Variants in NOS1AP observed in about 807,000 individuals in gnomAD.
The protein encoded by NOS1AP is carboxyl-terminal PDZ ligand of neuronal nitric oxide synthase protein.
Under a neutral mutation model 56.2 loss-of-function variants are expected in NOS1AP, and 21 were observed. That is an observed-to-expected ratio of 0.37 (90% CI 0.26 to 0.54). NOS1AP has a LOEUF of 0.54. NOS1AP is among the 20% of genes least tolerant of loss of function. The probability of loss-of-function intolerance (pLI) is 0.84; values close to 1 mark genes in which losing one functional copy is unlikely to be tolerated. For synonymous variants in NOS1AP, 270 were observed against 274.6 expected (o/e 0.98, Z 0.17); for missense variants, 522 against 657.8 (o/e 0.79, Z 2.26).
chr1:162,353,165 C>T (rs12403202), intron 6 of NOS1AP, among the ~76,000 whole-genome samples: 28,735 of 151,960 alleles, frequency 0.19, 3,324 homozygotes, highest in Non-Finnish European at 0.25. Context: ...TAGAGTATCA[C>T]TTTCTCTCAT....
intron 2 of NOS1AP, among the ~76,000 whole-genome samples, chr1:162,242,567 T>A (rs149695664): frequency 6.6e-6 from 1 of 152,322 alleles, no homozygotes; most frequent in East Asian, 1.9e-4. Context: ...AAATTTCAGA[T>A]GCAGCCCTAG....
intron 6 of NOS1AP, among the ~76,000 whole-genome samples, chr1:162,347,063 T>C (rs1657319309): frequency 6.6e-6 from 1 of 152,216 alleles, no homozygotes; most frequent in East Asian, 1.9e-4. Flanking sequence ...TAGAGCGTAA[T>C]GGTGACAGTT....
intron 4 of NOS1AP, 115 bp downstream of exon 4, chr1:162,300,821 T>C: frequency 1.2e-6 from 1 of 845,286 alleles, no homozygotes. Context: ...TCTATGCTTT[T>C]CCCTCCTGAG....
intron 2 of NOS1AP, among the ~76,000 whole-genome samples, chr1:162,283,889 C>T (rs780070920): frequency 8.5e-5 from 13 of 152,190 alleles, no homozygotes; most frequent in Non-Finnish European, 1.5e-4. Flanking sequence ...CCCGTTGGCA[C>T]AGACTGCAGG....
rs1042138568 is a variant in NOS1AP, at chr1:162,362,319, C to T, written c.940-3085C>T. Among the ~76,000 whole-genome samples, 36 of 152,068 alleles carry T rather than the reference C, an allele frequency of 2.4e-4. 1 individual carries two copies. The highest frequency in any genetic ancestry group is 7.0e-4 in the African/African-American group (29 of 41,468). On this transcript the variant is annotated intron_variant, in intron 8 of 9. Transcript: ENST00000361897. ...TACAAAAATTAGCTAGGTGTGGTGG[C>T]GGGCGCCAGTAATTCCAGCTGTTTG...
chr1:162,330,033 G>A (rs347300), intron 4 of NOS1AP, among the ~76,000 whole-genome samples: 76,340 of 152,126 alleles, frequency 0.5, 21,826 homozygotes, highest in Non-Finnish European at 0.65. Flanking sequence ...GCTTACTGCC[G>A]TTCCTCTGTT....
intron 2 of NOS1AP, among the ~76,000 whole-genome samples, chr1:162,275,511 T>C (rs1318348205): frequency 1.3e-5 from 2 of 152,186 alleles, no homozygotes; most frequent in East Asian, 1.9e-4. Flanking sequence ...TGAGGTTTAT[T>C]TTCATGTTCA....
intron 2 of NOS1AP, among the ~76,000 whole-genome samples, chr1:162,174,087 CTGCTATAAA>C (rs1650939979): frequency 6.6e-6 from 1 of 152,162 alleles, no homozygotes. Context: ...ATAAATCATG[CTGCTATAAA>C]GATACATGCA....
intron 2 of NOS1AP, among the ~76,000 whole-genome samples, chr1:162,231,529 T>C (rs1378910302): frequency 6.6e-6 from 1 of 152,192 alleles, no homozygotes; most frequent in African/African-American, 2.4e-5. Flanking sequence ...ATTTTAATAA[T>C]ATATTTTATT....
At chr1:162,319,250 G>A (rs1036230040) in intron 4 of NOS1AP, among the ~76,000 whole-genome samples, 2 of 152,140 alleles carry the variant, frequency 1.3e-5, no homozygotes, top group Admixed American at 6.6e-5. Flanking sequence ...ATTTGAGTCC[G>A]GTTCTTCTGA....
In NOS1AP at chr1:162,164,353, A is replaced by G. The variant is rs575771087; in HGVS notation, c.177+9877A>G. Among the ~76,000 whole-genome samples the G allele has an allele frequency of 5.3e-5, 8 of 152,344 alleles. No homozygotes were observed. The South Asian group carries it at 1.7e-3, about 32-fold the overall frequency. On this transcript the variant is annotated intron_variant, in intron 2 of 9. Coordinates refer to ENST00000361897, the MANE Select transcript of NOS1AP (RefSeq NM_014697.3). ...TGTTTTGATGACTTCTATGGCACAC[A>G]TATGTATATGCACACACACAACATA...
chr1:162,214,957 G>A (rs974777938), intron 2 of NOS1AP, among the ~76,000 whole-genome samples: 4 of 152,076 alleles, frequency 2.6e-5, no homozygotes, highest in Admixed American at 6.5e-5. Context: ...CTTTCTCCCT[G>A]CCAGGCTACA....
intron 6 of NOS1AP, among the ~76,000 whole-genome samples, chr1:162,346,126 T>C (rs1248686374): frequency 6.6e-6 from 1 of 152,226 alleles, no homozygotes; most frequent in Non-Finnish European, 1.5e-5. Flanking sequence ...GAAATCTTTA[T>C]TGAATTTGAA....
At chr1:162,123,175 A>G (rs1379309158) in intron 1 of NOS1AP, among the ~76,000 whole-genome samples, 5 of 152,150 alleles carry the variant, frequency 3.3e-5, no homozygotes, top group Non-Finnish European at 5.9e-5. Flanking sequence ...TATTTTTTGA[A>G]TATCTAAAAC....
At chr1:162,120,760 A>T (rs1189475865) in intron 1 of NOS1AP, among the ~76,000 whole-genome samples, 1 of 152,220 alleles carries the variant, frequency 6.6e-6, no homozygotes, top group East Asian at 1.9e-4. Flanking sequence ...GCTACAATTC[A>T]AGATGAGATT....
intron 8 of NOS1AP, chr1:162,364,974 A>C: frequency 1.9e-6 from 2 of 1,049,012 alleles, no homozygotes; most frequent in Non-Finnish European, 2.3e-6. Flanking sequence ...AGACAGGATG[A>C]GAAGAGAGTG....
chr1:162,236,469 G>C (rs1475157792), intron 2 of NOS1AP, among the ~76,000 whole-genome samples: 2 of 152,190 alleles, frequency 1.3e-5, no homozygotes, highest in African/African-American at 4.8e-5. Context: ...AGTGTGTCCA[G>C]GGATACCCAG....
At chr1:162,360,849 C>A (rs1278956030) in intron 8 of NOS1AP, 1 of 456,672 alleles carries the variant, frequency 2.2e-6, no homozygotes. Context: ...CTCTCCACTG[C>A]CATTTCCATG....
chr1:162,201,270 G>T (rs1255707101), intron 2 of NOS1AP, among the ~76,000 whole-genome samples: 1 of 152,076 alleles, frequency 6.6e-6, no homozygotes, highest in Non-Finnish European at 1.5e-5. Context: ...AGTATTCCAT[G>T]GTGTATATGT....
Sources: allele counts gnomAD v4.1 joint callset (sites outside exome capture counted in the v4.1 genomes callset), GRCh38; gene constraint gnomAD v4.1.1; transcripts MANE v1.5; gene names NCBI Gene and HGNC (gene_info 2026-07-23, HGNC 2026-07-21).